The following PCDH15 variants were observed in gnomAD, a reference collection of about 807,000 sequenced individuals.
The protein encoded by PCDH15 is protocadherin-15.
PCDH15 carries 129 observed loss-of-function variants against 178.5 expected under a neutral mutation model. That is an observed-to-expected ratio of 0.72 (90% CI 0.63 to 0.84). PCDH15 has a LOEUF of 0.84. PCDH15 is among the 40% of genes least tolerant of loss of function. The pLI, the probability that PCDH15 is intolerant of heterozygous loss-of-function variation, is 0.00. For missense variants in PCDH15, 2,230 were observed against 2,099.9 expected (o/e 1.06, Z -1.21); for synonymous variants, 800 against 732.0 (o/e 1.09, Z -1.50).
chr10:53,914,542 C>A (rs1192103014), intron 25 of PCDH15, among the ~76,000 whole-genome samples: 1 of 152,102 alleles, frequency 6.6e-6, no homozygotes, highest in Non-Finnish European at 1.5e-5. Flanking sequence ...CATGTTCTCA[C>A]TCATAGGTGG....
rs556034898 is a variant in PCDH15, at chr10:55,418,376, T to C, written c.-156+209249A>G. 2.2e-4 allele frequency among the ~76,000 whole-genome samples: 33 copies of C among 151,870 alleles called. 1 individual carries two copies. Among genetic ancestry groups the C allele is most frequent in the African/African-American group, 7.2e-4 (30 of 41,516 alleles). On this transcript the variant is annotated intron_variant, in intron 2 of 5. Coordinates refer to the PCDH15 transcript ENST00000613346. Reference sequence around the variant, plus strand: ...AGGGCACTGATACTCTCATTCTCTATGGCATATAATTGGAATACTGCCTTA... The same window carrying C: ...AGGGCACTGATACTCTCATTCTCTACGGCATATAATTGGAATACTGCCTTA...
chr10:54,181,533 C>A (rs997214032), intron 13 of PCDH15, among the ~76,000 whole-genome samples: 4 of 152,050 alleles, frequency 2.6e-5, no homozygotes, highest in Non-Finnish European at 5.9e-5. Context: ...TTTCAATTGT[C>A]TCTTCTCCCT....
chr10:55,054,006 G>A (rs183624887), intron 2 of PCDH15, among the ~76,000 whole-genome samples: 75 of 152,292 alleles, frequency 4.9e-4, no homozygotes, highest in African/African-American at 1.8e-3. Flanking sequence ...TAAAGTCAAA[G>A]CTACATGTGC....
intron 13 of PCDH15, among the ~76,000 whole-genome samples, chr10:54,160,147 TC>T (rs2045563858): frequency 6.6e-6 from 1 of 152,056 alleles, no homozygotes; most frequent in Non-Finnish European, 1.5e-5. Flanking sequence ...AGCATAGATG[TC>T]CTGGAGATGC....
At chr10:54,516,532 C>T (rs1335116150) in intron 3 of PCDH15, among the ~76,000 whole-genome samples, 2 of 151,986 alleles carry the variant, frequency 1.3e-5, no homozygotes, top group African/African-American at 4.8e-5. Flanking sequence ...AAGAAACGAA[C>T]AAAGCCTCCA....
chr10:55,299,920 C>T (rs1843229945), intron 1 of PCDH15, among the ~76,000 whole-genome samples: 1 of 152,170 alleles, frequency 6.6e-6, no homozygotes, highest in African/African-American at 2.4e-5. Flanking sequence ...ATGAATGCGG[C>T]ATGTCACATA....
At chr10:55,322,807 G>C (rs565721423), upstream of PCDH15, among the ~76,000 whole-genome samples, 3 of 151,298 alleles carry the variant, frequency 2.0e-5, no homozygotes, top group Admixed American at 6.6e-5. Flanking sequence ...AAAAAAATGG[G>C]GGGGGAGAAA....
chr10:55,024,108 T>C (rs893569738), intron 2 of PCDH15, among the ~76,000 whole-genome samples: 2 of 143,894 alleles, frequency 1.4e-5, no homozygotes, highest in African/African-American at 5.3e-5. Flanking sequence ...AATATACATA[T>C]ATATATAGGA....
intron 3 of PCDH15, among the ~76,000 whole-genome samples, chr10:54,813,377 C>T (rs1952897809): frequency 6.6e-6 from 1 of 152,128 alleles, no homozygotes; most frequent in South Asian, 2.1e-4. Flanking sequence ...ATACCAGAAA[C>T]TCAAAACAGA....
intron 2 of PCDH15, among the ~76,000 whole-genome samples, chr10:55,158,068 GTA>G (rs1202749048): frequency 9.1e-6 from 1 of 109,398 alleles, no homozygotes; most frequent in African/African-American, 4.5e-5. Context: ...AAATATGTGT[GTA>G]TGTGTGTGTA....
intron 8 of PCDH15, among the ~76,000 whole-genome samples, chr10:54,298,646 G>C (rs1485711199): frequency 6.6e-6 from 1 of 152,232 alleles, no homozygotes; most frequent in Non-Finnish European, 1.5e-5. Flanking sequence ...CCCCCAACCA[G>C]ATGATCCAAC....
chr10:54,337,212 C>T (rs1941356256), intron 6 of PCDH15, among the ~76,000 whole-genome samples: 1 of 152,002 alleles, frequency 6.6e-6, no homozygotes, highest in African/African-American at 2.4e-5. Flanking sequence ...AAGGAACTTG[C>T]TTTGTCTCAG....
At chr10:54,003,319 AGTTT>A (rs1300971111) in intron 20 of PCDH15, among the ~76,000 whole-genome samples, 1 of 152,124 alleles carries the variant, frequency 6.6e-6, no homozygotes, top group Non-Finnish European at 1.5e-5. Context: ...TGAAACAGAA[AGTTT>A]GTTTTTTTAA....
intron 26 of PCDH15, among the ~76,000 whole-genome samples, chr10:53,878,019 T>G (rs990838176): frequency 6.6e-6 from 1 of 152,014 alleles, no homozygotes; most frequent in East Asian, 1.9e-4. Flanking sequence ...TCCAACTTTT[T>G]GCTTTACATT....
intron 2 of PCDH15, chr10:54,599,855 C>A (rs539989982): frequency 1.5e-6 from 1 of 647,998 alleles, no homozygotes; most frequent in Non-Finnish European, 2.8e-6. Context: ...GAAACAGAGG[C>A]TGAAGGTGAA....
chr10:55,353,623 C>G (rs1339374977), intron 2 of PCDH15, among the ~76,000 whole-genome samples: 1 of 152,040 alleles, frequency 6.6e-6, no homozygotes, highest in Non-Finnish European at 1.5e-5. Flanking sequence ...ATCATACCAA[C>G]AGTTGCTATA....
intron 3 of PCDH15, among the ~76,000 whole-genome samples, chr10:54,434,384 C>T (rs2075244139): frequency 6.6e-6 from 1 of 152,320 alleles, no homozygotes; most frequent in Admixed American, 6.5e-5. Context: ...TTCCTGTAAG[C>T]TCCATTAATT....
chr10:53,997,925 G>A (rs994730112), intron 20 of PCDH15, among the ~76,000 whole-genome samples: 23 of 152,120 alleles, frequency 1.5e-4, no homozygotes, highest in Non-Finnish European at 3.1e-4. Context: ...GGTTACAAAA[G>A]CAGCTAGTTG....
At chr10:53,866,056 C>T (rs115498886) in intron 27 of PCDH15, among the ~76,000 whole-genome samples, 161 of 152,104 alleles carry the variant, frequency 1.1e-3, no homozygotes, top group African/African-American at 3.4e-3. Flanking sequence ...TCTGCACTGC[C>T]TAAGTGAAAA....
Sources: gnomAD v4.1 joint callset for allele counts (sites outside exome capture counted in the v4.1 genomes callset) on GRCh38, gnomAD v4.1.1 for gene constraint, MANE v1.5 for transcripts, NCBI Gene and HGNC (gene_info 2026-07-23, HGNC 2026-07-21) for gene names.